Variants in ARSB observed in about 807,000 individuals in gnomAD.
The protein encoded by ARSB is N-acetylgalactosamine-4-sulfatase.
A neutral mutation model predicts 50.9 loss-of-function variants in ARSB; 41 were observed. The ratio of observed to expected loss-of-function variants is 0.81; its 90% CI spans 0.63 to 1.04. The LOEUF (loss-of-function observed/expected upper bound fraction) is 1.04, where lower values mean the gene tolerates loss of function less well. Ranked by LOEUF, ARSB falls within the 50% of genes least tolerant of loss-of-function variation. The probability of loss-of-function intolerance (pLI) is 0.00; values close to 1 mark genes in which losing one functional copy is unlikely to be tolerated. For missense variants in ARSB, 672 were observed against 693.3 expected, an observed-to-expected ratio of 0.97 and a Z score of 0.35; for synonymous variants, 269 against 284.8, an observed-to-expected ratio of 0.94 and a Z score of 0.56.
chr5:78,792,779 C>G (rs564060957), intron 6 of ARSB, among the ~76,000 whole-genome samples: 1 of 152,232 alleles, frequency 6.6e-6, no homozygotes, highest in East Asian at 1.9e-4. Flanking sequence ...TGAAAGAAAT[C>G]ATTTCAATAT....
intron 6 of ARSB, among the ~76,000 whole-genome samples, chr5:78,792,650 A>G (rs556806071): frequency 3.0e-4 from 45 of 152,340 alleles, no homozygotes; most frequent in African/African-American, 1.1e-3. Flanking sequence ...AGGAAATAAG[A>G]TTCTACACGT....
In ARSB at chr5:78,791,188, C is replaced by T. The variant is rs941177239; in HGVS notation, c.1214-9214G>A. ...CACTTGGGCTAAGTGAGAAAAACAC[C>T]CCAGCTGTCCCAGAAATTTGGTTCT... On this transcript the variant is annotated intron_variant, in intron 6 of 7. Coordinates refer to ENST00000264914, the MANE Select transcript of ARSB (RefSeq NM_000046.5). 2.0e-5 allele frequency among the ~76,000 whole-genome samples: 3 copies of T among 152,100 alleles called. No individual in the cohort carries two copies. In the East Asian group the frequency reaches 5.8e-4, roughly 29 times the overall value.
At chr5:78,896,517 G>A (rs1305863848) in intron 4 of ARSB, among the ~76,000 whole-genome samples, 1 of 152,230 alleles carries the variant, frequency 6.6e-6, no homozygotes, top group African/African-American at 2.4e-5. Flanking sequence ...CTAAGTTTGT[G>A]CACTGAAATT....
chr5:78,922,134 A>T (rs1177121489), intron 4 of ARSB, among the ~76,000 whole-genome samples: 2 of 146,558 alleles, frequency 1.4e-5, no homozygotes, highest in Non-Finnish European at 3.0e-5. Flanking sequence ...AAGGTAGTCC[A>T]GGGTACAAGG....
intron 4 of ARSB, among the ~76,000 whole-genome samples, chr5:78,903,796 CA>C (rs1306732541): frequency 6.6e-6 from 1 of 152,180 alleles, no homozygotes; most frequent in African/African-American, 2.4e-5. Flanking sequence ...CTATACTTCA[CA>C]TAGTCATGAA....
rs1485758443 is a variant in ARSB, at chr5:78,899,216, C to A, written c.899-13389G>T. Among the ~76,000 whole-genome samples, 4 of 152,132 alleles carry A rather than the reference C, an allele frequency of 2.6e-5. 1 individual carries two copies. The highest frequency in any genetic ancestry group is 5.9e-5 in the Non-Finnish European group (4 of 68,016). ...GAGCTACTTTACGTGTTATTTGCTT[C>A]TTTTCTCTGCTGCTTTTAGGATCCT... On this transcript the variant is annotated intron_variant, in intron 4 of 7. Transcript: ENST00000264914.
chr5:78,784,333 G>A (rs941161287), intron 6 of ARSB, among the ~76,000 whole-genome samples: 1 of 152,132 alleles, frequency 6.6e-6, no homozygotes, highest in African/African-American at 2.4e-5. Context: ...TTATCCAAAC[G>A]AAAGGAAATC....
At chr5:78,963,172 T>A (rs977955683) in intron 3 of ARSB, among the ~76,000 whole-genome samples, 1 of 151,804 alleles carries the variant, frequency 6.6e-6, no homozygotes, top group African/African-American at 2.4e-5. Flanking sequence ...GAGCCTGGCA[T>A]CTCTCTCTCT....
At chr5:78,846,749 A>G (rs761272293) in intron 5 of ARSB, among the ~76,000 whole-genome samples, 3 of 151,988 alleles carry the variant, frequency 2.0e-5, no homozygotes, top group Non-Finnish European at 4.4e-5. Context: ...ATTTCTTTCT[A>G]TTGCCTGATT....
chr5:78,818,598 CTTTTTTTTTT>C (rs775162579), intron 6 of ARSB, among the ~76,000 whole-genome samples: 26 of 74,188 alleles, frequency 3.5e-4, no homozygotes, highest in African/African-American at 8.8e-4. Flanking sequence ...AAATAAAGCT[CTTTTTTTTTT>C]TTTTTTTTTT....
chr5:78,965,711 A>G (rs1752174510), intron 2 of ARSB, among the ~76,000 whole-genome samples: 2 of 152,164 alleles, frequency 1.3e-5, no homozygotes, highest in Non-Finnish European at 1.5e-5. Context: ...ATTAACCTTA[A>G]AATGAGGATG....
upstream of ARSB, chr5:78,985,372 T>C: frequency 9.9e-7 from 1 of 1,013,476 alleles, no homozygotes. Flanking sequence ...CAGCGGGCCG[T>C]GGGCTTGCGA....
chr5:78,936,132 T>TTA (rs1200338990), intron 4 of ARSB, among the ~76,000 whole-genome samples: 3 of 131,516 alleles, frequency 2.3e-5, no homozygotes, highest in Non-Finnish European at 4.8e-5. Context: ...TCTCTCTCTT[T>TTA]TTTTTTTTTT....
At chr5:78,852,583 C>T (rs919912361) in intron 5 of ARSB, among the ~76,000 whole-genome samples, 1 of 152,058 alleles carries the variant, frequency 6.6e-6, no homozygotes, top group African/African-American at 2.4e-5. Context: ...TTCTGTATTT[C>T]CTGAATCTGA....
chr5:78,964,439 T>C lies in ARSB; in HGVS notation c.667A>G (p.Ile223Val), dbSNP rs367650121. 76 of 1,613,940 alleles carry C rather than the reference T, an allele frequency of 4.7e-5. No homozygotes were observed. Among genetic ancestry groups the C allele is most frequent in the Non-Finnish European group, 5.8e-5 (69 of 1,179,886 alleles). Residue 223 changes from isoleucine to valine, a missense_variant, in exon 3 of 8, where the codon ATA (isoleucine) becomes GTA (valine). Physicochemically the swap from Ile to Val is conservative, Grantham distance 29. Coordinates refer to ENST00000264914, the MANE Select transcript of ARSB (RefSeq NM_000046.5). ...ACCTTCTCTGGTGGATGGTTAGTTA[T>C]GAGGGCTATAGCCCTTTTGGTGAAT... ...NIFTKRAIALITNHPPEKPLF... is the reference protein window; with the variant it reads ...NIFTKRAIALVTNHPPEKPLF...
At chr5:78,940,940 G>T (rs1430435421) in intron 4 of ARSB, among the ~76,000 whole-genome samples, 24 of 149,424 alleles carry the variant, frequency 1.6e-4, no homozygotes, top group East Asian at 7.8e-4. Flanking sequence ...TCCATTTGTT[G>T]GTATCCTCTT....
chr5:78,985,334 G>A (rs967289308), upstream of ARSB: 16 of 1,172,866 alleles, frequency 1.4e-5, no homozygotes, highest in African/African-American at 1.8e-4. Context: ...GCCGGGGCCT[G>A]CTCCGCCCCG....
At chr5:78,914,979 T>C (rs1749475535) in intron 4 of ARSB, among the ~76,000 whole-genome samples, 1 of 152,242 alleles carries the variant, frequency 6.6e-6, no homozygotes, top group South Asian at 2.1e-4. Flanking sequence ...AGTCTTCTTA[T>C]GGACATTAAA....
At chr5:78,926,185 C>T (rs1750039314) in intron 4 of ARSB, among the ~76,000 whole-genome samples, 1 of 152,090 alleles carries the variant, frequency 6.6e-6, no homozygotes, top group Admixed American at 6.6e-5. Flanking sequence ...GGCCATAATC[C>T]TATTTTTTAT....
Sources: allele counts gnomAD v4.1 joint callset (sites outside exome capture counted in the v4.1 genomes callset), GRCh38; gene constraint gnomAD v4.1.1; transcripts MANE v1.5; gene names NCBI Gene and HGNC (gene_info 2026-07-23, HGNC 2026-07-21).